Variants in RBFOX3 observed in about 807,000 individuals in gnomAD.
RBFOX3 encodes the protein RNA binding protein fox-1 homolog 3.
In RBFOX3, 17 loss-of-function variants were observed where a neutral mutation model predicts 48.7. The observed-to-expected ratio is 0.35, with a 90% CI of 0.24 to 0.52. The LOEUF (loss-of-function observed/expected upper bound fraction) is 0.52, where lower values mean the gene tolerates loss of function less well. Among genes scored for constraint, RBFOX3 ranks in the 20% least tolerant of loss-of-function variants. RBFOX3 has a pLI of 0.94. For synonymous variants in RBFOX3, 212 were observed against 209.5 expected, an observed-to-expected ratio of 1.01 and a Z score of -0.10; for missense variants, 382 against 497.5, an observed-to-expected ratio of 0.77 and a Z score of 2.21.
rs926825590 is a variant in RBFOX3 at position 79,377,795 on chromosome 17, G to A, written c.-174-69971C>T. Among the ~76,000 whole-genome samples the A allele has an allele frequency of 5.3e-5, 8 of 152,248 alleles. No homozygotes were observed. The East Asian group carries it at 7.7e-4, about 15-fold the overall frequency. On this transcript the variant is annotated intron_variant, in intron 2 of 14. Transcript: ENST00000693108. ...TAGGTGTGCGTGTCCCTGGTGACCC[G>A]AGGTCGCTGCCCTGGTGGAGGGCAG...
chr17:79,556,499 G>A lies in RBFOX3; in HGVS notation c.-320+54327C>T, dbSNP rs903901751. Among the ~76,000 whole-genome samples the A allele has an allele frequency of 3.0e-3, 458 of 152,284 alleles. 4 individuals carry two copies. The highest frequency in any genetic ancestry group is 9.1e-3 in the African/African-American group (376 of 41,530). ...GGAAGGCTTACAGGGAGCTGTTGGG[G>A]AGGAAGTGTTGATTTTAACACAAAT... On this transcript the variant is annotated intron_variant, in intron 1 of 14. Transcript: ENST00000693108.
intron 1 of RBFOX3, among the ~76,000 whole-genome samples, chr17:79,575,921 C>T (rs2092843266): frequency 6.6e-6 from 1 of 152,214 alleles, no homozygotes; most frequent in African/African-American, 2.4e-5. Flanking sequence ...AAGCAAAAGT[C>T]GCCAGTCCTG....
chr17:79,208,083 G>A (rs552807032), intron 4 of RBFOX3, among the ~76,000 whole-genome samples: 5 of 152,160 alleles, frequency 3.3e-5, no homozygotes, highest in Admixed American at 3.3e-4. Context: ...TCCTGCGTCT[G>A]GAGGGAAAGG....
At chr17:79,611,085 C>CTCTCCT, upstream of RBFOX3, among the ~76,000 whole-genome samples, 1 of 147,940 alleles carries the variant, frequency 6.8e-6, no homozygotes, top group African/African-American at 2.4e-5. Context: ...GCTCTTCCCT[C>CTCTCCT]GCCTCCTCTC....
chr17:79,576,390 A>G (rs1454409066), intron 1 of RBFOX3, among the ~76,000 whole-genome samples: 3 of 152,194 alleles, frequency 2.0e-5, no homozygotes, highest in African/African-American at 7.2e-5. Flanking sequence ...GATGGAGAAG[A>G]TGGAGATCAT....
intron 2 of RBFOX3, among the ~76,000 whole-genome samples, chr17:79,398,826 C>T (rs767678605): frequency 4.6e-5 from 7 of 152,156 alleles, no homozygotes; most frequent in Non-Finnish European, 7.4e-5. Flanking sequence ...CCACCCAACA[C>T]ACACAGTGCA....
chr17:79,505,258 G>A (rs942634913), intron 1 of RBFOX3, among the ~76,000 whole-genome samples: 10 of 152,044 alleles, frequency 6.6e-5, no homozygotes, highest in East Asian at 3.9e-4. Flanking sequence ...CCACACCCCC[G>A]CTTTAAACAT....
chr17:79,620,496 CGCACACACAT>C, the RBFOX3 span, among the ~76,000 whole-genome samples: 206 of 136,480 alleles, frequency 1.5e-3, no homozygotes, highest in African/African-American at 7.1e-3. Context: ...TGCACACACG[CGCACACACAT>C]GCGCATACGT....
chr17:79,592,908 GCACACC>G (rs1278159913), intron 1 of RBFOX3, among the ~76,000 whole-genome samples: 4 of 152,138 alleles, frequency 2.6e-5, no homozygotes, highest in Non-Finnish European at 4.4e-5. Context: ...AAGGAACCTG[GCACACC>G]CACTACCCCA....
At chr17:79,563,972 A>G (rs1302806454) in intron 1 of RBFOX3, among the ~76,000 whole-genome samples, 3 of 152,206 alleles carry the variant, frequency 2.0e-5, no homozygotes, top group Non-Finnish European at 2.9e-5. Flanking sequence ...AGCACTAACT[A>G]TGCTACGTAC....
intron 2 of RBFOX3, among the ~76,000 whole-genome samples, chr17:79,398,510 T>C (rs535616026): frequency 6.6e-6 from 1 of 151,532 alleles, no homozygotes; most frequent in Non-Finnish European, 1.5e-5. Context: ...TTTTACCTCC[T>C]GGGGAGGGAC....
At chr17:79,537,495 C>T (rs375649093) in intron 1 of RBFOX3, among the ~76,000 whole-genome samples, 1 of 152,182 alleles carries the variant, frequency 6.6e-6, no homozygotes, top group Non-Finnish European at 1.5e-5. Flanking sequence ...AGCCAGCCTG[C>T]AACAGTGGGT....
At chr17:79,282,959 C>T (rs2070934610) in intron 3 of RBFOX3, among the ~76,000 whole-genome samples, 2 of 152,210 alleles carry the variant, frequency 1.3e-5, no homozygotes, top group South Asian at 2.1e-4. Flanking sequence ...GTGGTTCTCA[C>T]TGTATTTTAG....
rs71829468 is a variant in RBFOX3, at chr17:79,198,072, C to CT, written c.-34+37693dup. Among the ~76,000 whole-genome samples, 6 of 129,768 alleles carry CT rather than the reference C, an allele frequency of 4.6e-5. No individual in the cohort carries two copies. Among genetic ancestry groups the CT allele is most frequent in the African/African-American group, 1.9e-4 (6 of 32,284 alleles). 85.1% of individuals were successfully genotyped at this position (129,768 alleles called of 152,430 possible). A position where few individuals can be genotyped will look rare whatever the true frequency, so the allele number is the denominator to read the frequency against. Reference sequence around the variant, plus strand: ...CGTCAGGAGAGTCGTGTGGGGTGGGCTTGTCATCCCGGAAGTGCTACGGTT... The same window carrying CT: ...CGTCAGGAGAGTCGTGTGGGGTGGGCTTTGTCATCCCGGAAGTGCTACGGTT... On this transcript the variant is annotated intron_variant, in intron 4 of 14. Transcript: ENST00000693108. This position sits in a 1 kb window ranked among gnomAD's most constrained non-coding sequence, Gnocchi z 8.2.
intron 1 of RBFOX3, among the ~76,000 whole-genome samples, chr17:79,572,092 G>T (rs978856376): frequency 1.6e-4 from 24 of 152,056 alleles, no homozygotes; most frequent in African/African-American, 5.6e-4. Context: ...TCTTATACAC[G>T]GGGAAACTAA....
At chr17:79,542,018 A>G (rs2089775820) in intron 1 of RBFOX3, among the ~76,000 whole-genome samples, 1 of 149,732 alleles carries the variant, frequency 6.7e-6, no homozygotes, top group Non-Finnish European at 1.5e-5. Flanking sequence ...TGCTGCCTTT[A>G]AACACCTTGA....
At position 79,363,812 on chromosome 17, in the gene RBFOX3, C is replaced by T. The variant is rs766612044; in HGVS notation, c.-174-55988G>A. On this transcript the variant is annotated intron_variant, in intron 2 of 14. Coordinates refer to ENST00000693108, the MANE Select transcript of RBFOX3 (RefSeq NM_001350451.2). The surrounding 1 kb of genome is among the most constrained non-coding windows in gnomAD (Gnocchi z 4.7). ...TGAGGAAGGTCAATCAGCTCGCACCCCTGCCCCACTCAGAACTCTCTGGGG... is the reference window on the plus strand; with the variant it reads ...TGAGGAAGGTCAATCAGCTCGCACCTCTGCCCCACTCAGAACTCTCTGGGG... Among the ~76,000 whole-genome samples, 4 of 152,126 alleles carry T rather than the reference C, an allele frequency of 2.6e-5. No homozygotes were observed. The highest frequency in any genetic ancestry group is 4.4e-5 in the Non-Finnish European group (3 of 68,016).
chr17:79,628,170 G>C, the RBFOX3 span, among the ~76,000 whole-genome samples: 2 of 151,860 alleles, frequency 1.3e-5, no homozygotes, highest in African/African-American at 4.8e-5. Flanking sequence ...GCTGATCTAT[G>C]CTTGACCAGG....
chr17:79,314,890 TTGTC>T (rs58248462), intron 2 of RBFOX3, among the ~76,000 whole-genome samples: 145,655 of 152,058 alleles, frequency 0.96, 70,073 homozygotes, highest in East Asian at 1. Flanking sequence ...GACTTGGACT[TTGTC>T]TGTGATCCTT....
Sources: gnomAD v4.1 joint callset for allele counts (sites outside exome capture counted in the v4.1 genomes callset) on GRCh38, gnomAD v4.1.1 for gene constraint, Gnocchi (gnomAD v3.1) non-coding constraint, MANE v1.5 for transcripts, NCBI Gene and HGNC (gene_info 2026-07-23, HGNC 2026-07-21) for gene names.